MYBPHL: variants seen among roughly 807,000 people sequenced by gnomAD.
MYBPHL encodes myosin binding protein H like.
Under a neutral mutation model 39.5 loss-of-function variants are expected in MYBPHL, and 32 were observed. The observed-to-expected ratio is 0.81, with a 90% CI of 0.61 to 1.09. The LOEUF is 1.09. Ranked by LOEUF, MYBPHL falls within the 50% of genes least tolerant of loss-of-function variation. The pLI is 0.00. For missense variants in MYBPHL, 456 were observed against 460.2 expected, an observed-to-expected ratio of 0.99 and a Z score of 0.08; for synonymous variants, 196 against 183.7, an observed-to-expected ratio of 1.07 and a Z score of -0.54.
chr1:109,297,730 A>T, intron 2 of MYBPHL, 113 bp from the exon 3 acceptor site: 1 of 951,346 alleles, frequency 1.1e-6, no homozygotes, highest in Admixed American at 2.8e-5. Flanking sequence ...TTGGAGCTGC[A>T]CATTCCTTGA....
At chr1:109,301,747 G>GAA in intron 1 of MYBPHL, among the ~76,000 whole-genome samples, 1 of 138,532 alleles carries the variant, frequency 7.2e-6, no homozygotes, top group Non-Finnish European at 1.5e-5. Context: ...ATCTCAAAAA[G>GAA]AAAAAAAAAA....
chr1:109,302,761 A>G (rs1305708016), intron 1 of MYBPHL, among the ~76,000 whole-genome samples: 1 of 152,148 alleles, frequency 6.6e-6, no homozygotes, highest in Non-Finnish European at 1.5e-5. Flanking sequence ...CAAGCATCCC[A>G]CTGTCTCATC....
chr1:109,300,926 C>T (rs1658253801), intron 1 of MYBPHL, among the ~76,000 whole-genome samples: 1 of 152,186 alleles, frequency 6.6e-6, no homozygotes, highest in Non-Finnish European at 1.5e-5. Flanking sequence ...TCCCAGCAGG[C>T]TCCCGGCTCC....
intron 8 of MYBPHL, 95 bp downstream of exon 8, chr1:109,294,111 T>G: frequency 1.2e-6 from 1 of 841,930 alleles, no homozygotes; most frequent in Non-Finnish European, 2.0e-6. Flanking sequence ...GATACATGAC[T>G]GAAAGGCTCA....
At chr1:109,295,373 G>T in intron 6 of MYBPHL, 76 bp from the exon 7 acceptor site, 1 of 1,380,364 alleles carries the variant, frequency 7.2e-7, no homozygotes, top group South Asian at 1.3e-5. Context: ...CTCAGTTTCT[G>T]GGACTCTGTC....
intron 1 of MYBPHL, among the ~76,000 whole-genome samples, chr1:109,306,100 C>G (rs562246131): frequency 6.6e-6 from 1 of 152,320 alleles, no homozygotes; most frequent in East Asian, 1.9e-4. Context: ...CCACGTGTTT[C>G]TTGATTGTGG....
intron 2 of MYBPHL, 143 bp downstream of exon 2, chr1:109,298,026 C>A: frequency 4.3e-6 from 3 of 692,404 alleles, no homozygotes; most frequent in Non-Finnish European, 7.2e-6. Flanking sequence ...GGTCATTTGG[C>A]CTCAGACTTC....
At chr1:109,301,469 AG>A (rs1437793275) in intron 1 of MYBPHL, among the ~76,000 whole-genome samples, 1 of 152,190 alleles carries the variant, frequency 6.6e-6, no homozygotes, top group Non-Finnish European at 1.5e-5. Flanking sequence ...GGCCGGGCGC[AG>A]TGGCTCATGC....
At chr1:109,295,427 G>T in intron 6 of MYBPHL, 130 bp from the exon 7 acceptor site, 1 of 770,838 alleles carries the variant, frequency 1.3e-6, no homozygotes, top group Non-Finnish European at 2.0e-6. Flanking sequence ...TGTTCCTTAT[G>T]TTGTGGGAAG....
At chr1:109,301,075 G>T (rs1658259229) in intron 1 of MYBPHL, among the ~76,000 whole-genome samples, 1 of 152,182 alleles carries the variant, frequency 6.6e-6, no homozygotes, top group South Asian at 2.1e-4. Flanking sequence ...CCCAACCCAG[G>T]CGCAATCTGA....
At chr1:109,293,745 A>AAATT (rs966232558) in intron 8 of MYBPHL, among the ~76,000 whole-genome samples, 8 of 145,712 alleles carry the variant, frequency 5.5e-5, no homozygotes, top group Non-Finnish European at 3.0e-5. Flanking sequence ...GTCTCAAAAT[A>AAATT]AATAAATAAA....
At chr1:109,304,738 A>G (rs1318836658) in intron 1 of MYBPHL, among the ~76,000 whole-genome samples, 1 of 152,226 alleles carries the variant, frequency 6.6e-6, no homozygotes, top group Non-Finnish European at 1.5e-5. Flanking sequence ...CTTTGTCTCC[A>G]GGACACAGTA....
Position 109,295,183 on chromosome 1 carries a change from C to A in MYBPHL, c.982G>T (p.Gly328Ter). 1 of 1,614,154 alleles carries A rather than the reference C, an allele frequency of 6.2e-7. No individual in the cohort carries two copies. Among genetic ancestry groups the A allele is most frequent in the South Asian group, 1.1e-5 (1 of 91,080 alleles). ...ACCGCCTTGCAGGTATAGATGCCTC[C>A]ATCAAAGGGACCCGGCTTGCGGATC... ...LEIRKPGPFD[G>*]GIYTCKAVNP... Residue 328 changes from glycine to a stop codon, truncating the protein, a stop_gained, in exon 7 of 9, where the codon GGA becomes TGA. Coordinates refer to ENST00000357155, the MANE Select transcript of MYBPHL (RefSeq NM_001010985.3). LOFTEE classifies it high-confidence loss of function.
chr1:109,294,521 T>C (rs539587343), intron 7 of MYBPHL, among the ~76,000 whole-genome samples: 14 of 152,284 alleles, frequency 9.2e-5, no homozygotes, highest in Middle Eastern at 3.4e-3. Flanking sequence ...ACCCTCAAAA[T>C]GCTTATAATT....
chr1:109,306,384 T>C (rs1658470590), intron 1 of MYBPHL, among the ~76,000 whole-genome samples: 2 of 152,120 alleles, frequency 1.3e-5, no homozygotes, highest in African/African-American at 4.8e-5. Flanking sequence ...GACCCCGTGG[T>C]ACTGCCCAGC....
Position 109,306,919 on chromosome 1 carries a change from C to T in MYBPHL, c.73G>A (p.Ala25Thr). 6.2e-7 allele frequency: 1 copy of T among 1,610,014 alleles called. No individual in the cohort carries two copies. Among genetic ancestry groups the T allele is most frequent in the South Asian group, 1.1e-5 (1 of 90,522 alleles). The change falls in exon 1 of 9, where the codon GCT becomes ACT. Residue 25 changes from alanine (A) to threonine (T), a missense_variant. Physicochemically the swap from Ala to Thr is moderately conservative, Grantham distance 58 (BLOSUM62 0). Coordinates refer to ENST00000357155, the MANE Select transcript of MYBPHL (RefSeq NM_001010985.3). The stretch of plus-strand genomic sequence containing the variant: ...CCAGGTGAAGCCTGGGGTGGTTCAG[C>T]ATCCGCTGGGCTGGCTTCTTTCACC... ...LKVKEASPAD[A>T]EPPQASPGQG...
At position 109,295,215 on chromosome 1, in the gene MYBPHL, G is replaced by A; in HGVS notation, c.950C>T (p.Ser317Phe). The change falls in exon 7 of 9, where the codon TCC becomes TTC. Residue 317 changes from serine to phenylalanine, a missense_variant. Physicochemically the swap from Ser to Phe is radical, Grantham distance 155. Transcript: ENST00000357155. Reference protein sequence around the residue: ...YRALTHLGICSLEIRKPGPFD... With the variant: ...YRALTHLGICFLEIRKPGPFD... ...GGGACCCGGCTTGCGGATCTCTAGG[G>A]AGCAGATTCCCAGGTGAGTCAGGGC... is the stretch of plus-strand genomic sequence containing the variant. The A allele has an allele frequency of 6.2e-7, 1 of 1,614,166 alleles. No individual in the cohort carries two copies. Among genetic ancestry groups the A allele is most frequent in the South Asian group, 1.1e-5 (1 of 91,078 alleles).
chr1:109,304,934 T>C (rs1202920730), intron 1 of MYBPHL, among the ~76,000 whole-genome samples: 1 of 152,212 alleles, frequency 6.6e-6, no homozygotes. Flanking sequence ...TTTCACATGC[T>C]TCCTGTGATA....
At chr1:109,299,675 C>T (rs1424271248) in intron 1 of MYBPHL, among the ~76,000 whole-genome samples, 1 of 152,228 alleles carries the variant, frequency 6.6e-6, no homozygotes, top group Non-Finnish European at 1.5e-5. Flanking sequence ...ATGTTTTCAC[C>T]TGGGCTGTGC....
Sources: gnomAD v4.1 joint callset for allele counts (sites outside exome capture counted in the v4.1 genomes callset) on GRCh38, gnomAD v4.1.1 for gene constraint, MANE v1.5 for transcripts, NCBI Gene and HGNC (gene_info 2026-07-23, HGNC 2026-07-21) for gene names.